Variants in ABCC6 observed in about 807,000 individuals in gnomAD.
ABCC6 encodes ATP-binding cassette sub-family C member 6.
Under a neutral mutation model 169.5 loss-of-function variants are expected in ABCC6, and 126 were observed. The observed-to-expected ratio is 0.74, with a 90% confidence interval of 0.64 to 0.86. ABCC6 has a LOEUF of 0.86. Ranked by LOEUF, ABCC6 falls within the 40% of genes least tolerant of loss-of-function variation. The pLI, the probability that ABCC6 is intolerant of heterozygous loss-of-function variation, is 0.00. For missense variants in ABCC6, 1,733 were observed against 1,927.2 expected, an observed-to-expected ratio of 0.90 and a Z score of 1.89; for synonymous variants, 752 against 814.7, an observed-to-expected ratio of 0.92 and a Z score of 1.31.
intron 11 of ABCC6, among the ~76,000 whole-genome samples, chr16:16,190,745 G>T (rs899312992): frequency 1.3e-5 from 2 of 150,970 alleles, no homozygotes; most frequent in African/African-American, 4.9e-5. Flanking sequence ...TGTTGCCCAG[G>T]TTGGCCTCGA....
At chr16:16,188,446 T>C (rs1057124728) in intron 13 of ABCC6, among the ~76,000 whole-genome samples, 7 of 152,086 alleles carry the variant, frequency 4.6e-5, no homozygotes, top group African/African-American at 1.4e-4. Context: ...GGCTCAGGTA[T>C]GCCGCCGTTT....
Position 16,154,655 on chromosome 16 carries a change from T to C in ABCC6, c.4181A>G (p.Lys1394Arg). Residue 1394 changes from lysine (K) to arginine (R), a missense_variant, in exon 29 of 31, where the codon AAG (lysine) becomes AGG (arginine). Around this residue, in one of 5 missense-constraint regions of ABCC6, gnomAD observed 1,601 missense variants for 1,635.5 expected, o/e 0.98. Coordinates refer to ENST00000205557, the MANE Select transcript of ABCC6 (RefSeq NM_001171.6). Reference protein sequence around the residue: ...VASLPGQLQYKCADRGEDLSV... With the variant: ...VASLPGQLQYRCADRGEDLSV... ...CAGGTCCTCGCCTCGGTCAGCACAC[T>C]TGTACTGCAGCTGGCCGGGCAGGCT... The C allele has an allele frequency of 6.2e-7, 1 of 1,612,794 alleles. No individual in the cohort carries two copies.
At chr16:16,215,402 T>G (rs1567544747) in intron 4 of ABCC6, among the ~76,000 whole-genome samples, 1 of 152,160 alleles carries the variant, frequency 6.6e-6, no homozygotes, top group Non-Finnish European at 1.5e-5. Flanking sequence ...TTTCTTTCTT[T>G]TTTTAATTTA....
chr16:16,173,276 G>A lies in ABCC6; in HGVS notation c.2787+8C>T, dbSNP rs557287313. The A allele has an allele frequency of 1.4e-5, 22 of 1,613,594 alleles. No homozygotes were observed. In the African/African-American group the frequency reaches 2.1e-4, roughly 16 times the overall value. ...GGGTGGGGAGGGGTGGGTGAAGCTGGTGGTTACCCTGCCGTATTGGATGCT... is the reference window on the plus strand; with the variant it reads ...GGGTGGGGAGGGGTGGGTGAAGCTGATGGTTACCCTGCCGTATTGGATGCT... On this transcript the variant is annotated splice_region_variant and intron_variant, in intron 21 of 30. Coordinates refer to ENST00000205557, the MANE Select transcript of ABCC6 (RefSeq NM_001171.6).
Position 16,178,715 on chromosome 16 carries a change from G to T in ABCC6, c.2415+83C>A, listed in dbSNP as rs1405310481. ...TTGGACTCAAGTGGAAGGGGGAGGTGAGATAAACTTGGGTTAGGACTGGAT... is the reference window on the plus strand; with the variant it reads ...TTGGACTCAAGTGGAAGGGGGAGGTTAGATAAACTTGGGTTAGGACTGGAT... On this transcript the variant is annotated intron_variant, in intron 18 of 30. Transcript: ENST00000205557. The T allele has an allele frequency of 4.0e-6, 6 of 1,495,374 alleles. No individual in the cohort carries two copies. The East Asian group carries it at 9.0e-5, about 22-fold the overall frequency. 92.6% of individuals were successfully genotyped at this position (1,495,374 alleles called of 1,614,324 possible).
chr16:16,203,902 C>T (rs991044827), intron 7 of ABCC6, among the ~76,000 whole-genome samples: 1 of 152,072 alleles, frequency 6.6e-6, no homozygotes, highest in African/African-American at 2.4e-5. Context: ...CATCCTAAGA[C>T]CCCCTGAGAA....
At chr16:16,203,871 A>G (rs553295559) in intron 7 of ABCC6, among the ~76,000 whole-genome samples, 106 of 152,080 alleles carry the variant, frequency 7.0e-4, no homozygotes, top group African/African-American at 2.4e-3. Context: ...AGCACCTACT[A>G]TGTGCCAGGC....
intron 20 of ABCC6, among the ~76,000 whole-genome samples, chr16:16,175,283 G>A (rs1185663087): frequency 6.6e-6 from 1 of 152,196 alleles, no homozygotes; most frequent in Admixed American, 6.5e-5. Flanking sequence ...CACCACCCCT[G>A]TATAGCAGGC....
At chr16:16,215,852 G>A (rs993176780) in intron 4 of ABCC6, among the ~76,000 whole-genome samples, 1 of 152,110 alleles carries the variant, frequency 6.6e-6, no homozygotes, top group African/African-American at 2.4e-5. Flanking sequence ...AGGTAAATGA[G>A]GTCTCCATCC....
At chr16:16,175,375 G>C (rs1265485034) in intron 20 of ABCC6, among the ~76,000 whole-genome samples, 1 of 152,180 alleles carries the variant, frequency 6.6e-6, no homozygotes, top group African/African-American at 2.4e-5. Context: ...AGAGTATCAG[G>C]CAGCAGGTCC....
At position 16,149,813 on chromosome 16, in the gene ABCC6, C is replaced by T. The variant is rs551388145; in HGVS notation, c.*320G>A. ...GCCTCAGAGATTCTGATTTAAGGGT[C>T]TAGCCGGGAGCCTGGGCATGTGCTT... On this transcript the variant is annotated 3_prime_UTR_variant, in exon 31 of 31. Coordinates refer to ENST00000205557, the MANE Select transcript of ABCC6 (RefSeq NM_001171.6). 3 of 487,382 alleles carry T rather than the reference C, an allele frequency of 6.2e-6. No individual in the cohort carries two copies. Among genetic ancestry groups the T allele is most frequent in the African/African-American group, 1.9e-5 (1 of 52,232 alleles). The allele number at this position is 487,382 out of a possible 1,614,324, so 30.2% of individuals were successfully genotyped here.
chr16:16,160,143 T>C (rs1466604772), intron 25 of ABCC6, among the ~76,000 whole-genome samples: 1 of 152,126 alleles, frequency 6.6e-6, no homozygotes, highest in Non-Finnish European at 1.5e-5. Context: ...TCCCAGGCCT[T>C]TTCTTCCTGC....
chr16:16,184,867 C>T (rs2047596703), intron 15 of ABCC6, 92 bp downstream of exon 15: 1 of 1,406,494 alleles, frequency 7.1e-7, no homozygotes, highest in Non-Finnish European at 1.0e-6. Context: ...AGGCTGGAAA[C>T]CTACACCACC....
In ABCC6 at chr16:16,173,283, C is replaced by A. The variant is rs72664209; in HGVS notation, c.2787+1G>T. ...GAGGGGTGGGTGAAGCTGGTGGTTA[C>A]CCTGCCGTATTGGATGCTGTCCTTT... On this transcript the variant is annotated splice_donor_variant, in intron 21 of 30. Transcript: ENST00000205557. LOFTEE classifies it high-confidence loss of function. 3.2e-4 allele frequency: 511 copies of A among 1,613,630 alleles called. No individual in the cohort carries two copies. The highest frequency in any genetic ancestry group is 4.2e-4 in the Non-Finnish European group (501 of 1,179,988).
chr16:16,221,218 C>G (rs2049058832), intron 2 of ABCC6: 1 of 957,388 alleles, frequency 1.0e-6, no homozygotes, highest in African/African-American at 1.7e-5. Context: ...TTATTTAACA[C>G]ACTAAGGTAA....
chr16:16,186,855 G>A (rs1279734062), intron 14 of ABCC6, among the ~76,000 whole-genome samples: 1 of 152,084 alleles, frequency 6.6e-6, no homozygotes, highest in Non-Finnish European at 1.5e-5. Flanking sequence ...CAAAAAGCTT[G>A]GGGACCACTG....
chr16:16,192,708 C>G (rs747069549), intron 11 of ABCC6, 122 bp downstream of exon 11: 2 of 893,044 alleles, frequency 2.2e-6, no homozygotes, highest in Non-Finnish European at 3.7e-6. Context: ...AGCTCACAGA[C>G]GACAAGAACA....
chr16:16,161,594 G>T lies in ABCC6; in HGVS notation c.3507-30C>A, dbSNP rs201658516. The T allele has an allele frequency of 7.1e-4, 1,148 of 1,613,596 alleles. 11 individuals carry two copies. The South Asian group carries it at 8.3e-3, about 12-fold the overall frequency. The stretch of plus-strand genomic sequence containing the variant: ...AAAGGGAAGCGACAGCAGGGTGAGT[G>T]GTTACTCTCATCTGCAGGGAGATGC... On this transcript the variant is annotated intron_variant, in intron 24 of 30. Transcript: ENST00000205557.
intron 25 of ABCC6, among the ~76,000 whole-genome samples, chr16:16,160,881 C>G (rs2046693978): frequency 1.3e-5 from 2 of 151,960 alleles, no homozygotes; most frequent in African/African-American, 4.8e-5. Context: ...ATAACAAATG[C>G]TTATGAGTGT....
Sources: gnomAD v4.1 joint callset for allele counts (sites outside exome capture counted in the v4.1 genomes callset) on GRCh38, gnomAD v4.1.1 for gene constraint, gnomAD v4.1.1 regional missense constraint, MANE v1.5 for transcripts, NCBI Gene and HGNC (gene_info 2026-07-23, HGNC 2026-07-21) for gene names.